RNF212B: variants seen among roughly 807,000 people sequenced by gnomAD.
RNF212B encodes ring finger protein 212B, also known as E3 ubiquitin-protein ligase RNF212B.
A neutral mutation model predicts 55.5 loss-of-function variants in RNF212B; 52 were observed. The observed-to-expected ratio is 0.94, with a 90% confidence interval of 0.75 to 1.18. The LOEUF (loss-of-function observed/expected upper bound fraction) is 1.18. RNF212B is among the 50% of genes most tolerant of loss of function. The pLI, the probability that RNF212B is intolerant of heterozygous loss-of-function variation, is 0.00. For missense variants in RNF212B, 289 were observed against 350.4 expected (o/e 0.82, Z 1.40); for synonymous variants, 99 against 121.4 (o/e 0.82, Z 1.21).
chr14:23,217,022 C>A (rs1316587368), intron 2 of RNF212B, among the ~76,000 whole-genome samples: 1 of 151,454 alleles, frequency 6.6e-6, no homozygotes, highest in African/African-American at 2.4e-5. Flanking sequence ...GGGACAGGCA[C>A]AGAAGGGTAA....
At chr14:23,250,180 A>G (rs1884298633) in intron 4 of RNF212B, among the ~76,000 whole-genome samples, 1 of 152,098 alleles carries the variant, frequency 6.6e-6, no homozygotes, top group African/African-American at 2.4e-5. Flanking sequence ...TGATTTCTAC[A>G]CTTTAAAAAC....
chr14:23,240,022 A>G (rs1883444718), intron 1 of RNF212B, among the ~76,000 whole-genome samples: 1 of 147,690 alleles, frequency 6.8e-6, no homozygotes, highest in Non-Finnish European at 1.5e-5. Flanking sequence ...ACACACTCAT[A>G]ACCTCACCAC....
intron 2 of RNF212B, among the ~76,000 whole-genome samples, chr14:23,205,145 AT>A (rs1406803207): frequency 6.6e-6 from 1 of 151,986 alleles, no homozygotes; most frequent in Non-Finnish European, 1.5e-5. Context: ...ATATACAATT[AT>A]TTCTCTTTAA....
intron 3 of RNF212B, among the ~76,000 whole-genome samples, chr14:23,243,586 C>T (rs1883759756): frequency 6.8e-6 from 1 of 147,240 alleles, no homozygotes; most frequent in South Asian, 2.1e-4. Flanking sequence ...GTCCCAGCAG[C>T]TTGGGAGGCT....
chr14:23,244,114 C>T (rs188551381), intron 3 of RNF212B, among the ~76,000 whole-genome samples: 1 of 152,084 alleles, frequency 6.6e-6, no homozygotes, highest in Non-Finnish European at 1.5e-5. Flanking sequence ...CAGATGGAAG[C>T]ATTATTTGTG....
At chr14:23,225,707 A>G (rs1030530517) in intron 2 of RNF212B, among the ~76,000 whole-genome samples, 1 of 151,884 alleles carries the variant, frequency 6.6e-6, no homozygotes, top group African/African-American at 2.4e-5. Flanking sequence ...ATGCATACCA[A>G]AAAAAATAGA....
chr14:23,223,246 C>CA (rs759788600), intron 2 of RNF212B, among the ~76,000 whole-genome samples: 8 of 151,482 alleles, frequency 5.3e-5, no homozygotes, highest in African/African-American at 1.2e-4. Context: ...CACTTCATGA[C>CA]AAAAAAACCC....
At chr14:23,229,220 T>TTATATATATATATATATATA (rs61656270) in intron 2 of RNF212B, among the ~76,000 whole-genome samples, 9 of 65,038 alleles carry the variant, frequency 1.4e-4, no homozygotes, top group Admixed American at 2.1e-4. Context: ...GAATAATATT[T>TTATATATATATATATATATA]TATATATATA....
intron 1 of RNF212B, among the ~76,000 whole-genome samples, chr14:23,190,542 C>G (rs1048737823): frequency 6.6e-6 from 1 of 152,200 alleles, no homozygotes; most frequent in African/African-American, 2.4e-5. Context: ...CAAATCAAAT[C>G]TCGCAAATAT....
chr14:23,255,766 G>A (rs1884783288), intron 4 of RNF212B, among the ~76,000 whole-genome samples: 1 of 152,136 alleles, frequency 6.6e-6, no homozygotes, highest in Non-Finnish European at 1.5e-5. Context: ...TTGGAAAAAC[G>A]AAAGAGACCA....
intron 2 of RNF212B, among the ~76,000 whole-genome samples, chr14:23,213,580 G>A (rs565810955): frequency 1.3e-5 from 2 of 152,216 alleles, no homozygotes; most frequent in East Asian, 1.9e-4. Flanking sequence ...CTTCCACCCC[G>A]ACTCGGCAGC....
chr14:23,229,220 T>TTTTATATATATATATA (rs1183907201), intron 2 of RNF212B, among the ~76,000 whole-genome samples: 28 of 65,030 alleles, frequency 4.3e-4, no homozygotes, highest in Non-Finnish European at 6.3e-4. Context: ...GAATAATATT[T>TTTTATATATATATATA]TATATATATA....
intron 2 of RNF212B, among the ~76,000 whole-genome samples, chr14:23,227,624 C>T (rs1882153402): frequency 6.6e-6 from 1 of 150,422 alleles, no homozygotes; most frequent in Admixed American, 6.6e-5. Flanking sequence ...TGTTTTGAGA[C>T]TAGTTCTCGC....
chr14:23,260,592 G>A (rs1885222413), intron 6 of RNF212B, 67 bp from the exon 7 acceptor site: 1 of 1,437,068 alleles, frequency 7.0e-7, no homozygotes, highest in Middle Eastern at 1.7e-4. Context: ...TCGCAAGTAA[G>A]ACTGAAGATC....
At chr14:23,188,128 T>G (rs1393885155) in intron 1 of RNF212B, 1 of 152,180 alleles carries the variant, frequency 6.6e-6, no homozygotes, top group African/African-American at 2.4e-5. Flanking sequence ...GACCCTGCTT[T>G]GTTATGATGG....
intron 10 of RNF212B, 30 bp downstream of exon 10, chr14:23,264,264 T>C (rs1305509886): frequency 4.0e-6 from 6 of 1,503,412 alleles, no homozygotes; most frequent in Non-Finnish European, 1.8e-6. Context: ...TCTTTCCAGA[T>C]TGAAGTTTCT....
chr14:23,214,327 C>T (rs1262721570), intron 2 of RNF212B, among the ~76,000 whole-genome samples: 1 of 151,934 alleles, frequency 6.6e-6, no homozygotes, highest in Non-Finnish European at 1.5e-5. Context: ...AACCCCGTCT[C>T]TACTAAAAAT....
upstream of RNF212B, among the ~76,000 whole-genome samples, chr14:23,237,453 CT>C (rs929086326): frequency 2.0e-4 from 30 of 152,112 alleles, no homozygotes; most frequent in African/African-American, 7.0e-4. Flanking sequence ...TAAAGGTTGA[CT>C]TTTTTTAATT....
intron 2 of RNF212B, among the ~76,000 whole-genome samples, chr14:23,214,543 A>C (rs570048418): frequency 2.2e-4 from 34 of 151,828 alleles, no homozygotes; most frequent in Non-Finnish European, 3.8e-4. Context: ...AATTTAATTT[A>C]AAAAAAGGAC....
Sources: allele counts gnomAD v4.1 joint callset (sites outside exome capture counted in the v4.1 genomes callset), GRCh38; gene constraint gnomAD v4.1.1; transcripts MANE v1.5; gene names NCBI Gene and HGNC (gene_info 2026-07-23, HGNC 2026-07-21).